RPGRIP1: variants seen among roughly 807,000 people sequenced by gnomAD.
The protein encoded by RPGRIP1 is X-linked retinitis pigmentosa GTPase regulator-interacting protein 1.
In RPGRIP1, 128 loss-of-function variants were observed where a neutral mutation model predicts 157.9. That is an observed-to-expected ratio of 0.81 (90% CI 0.70 to 0.94). The LOEUF is 0.94. RPGRIP1 is among the 40% of genes least tolerant of loss of function. The pLI is 0.00. For missense variants in RPGRIP1, 1,486 were observed against 1,545.8 expected (o/e 0.96, Z 0.65); for synonymous variants, 554 against 571.6 (o/e 0.97, Z 0.44).
chr14:21,285,149 T>C (rs1022500408), intron 1 of RPGRIP1, among the ~76,000 whole-genome samples: 5 of 151,926 alleles, frequency 3.3e-5, no homozygotes, highest in East Asian at 1.9e-4. Flanking sequence ...TTTCTGTGTA[T>C]AGTAAATGTC....
chr14:21,332,566 C>G (rs973634040), intron 20 of RPGRIP1, among the ~76,000 whole-genome samples: 2 of 152,076 alleles, frequency 1.3e-5, no homozygotes, highest in Admixed American at 6.6e-5. Flanking sequence ...GTATCCAGAC[C>G]TGAATGCGGG....
Position 21,327,757 on chromosome 14 carries a change from G to A in RPGRIP1, c.2845G>A (p.Asp949Asn). ...EAQTKGKDTK[D>N]SSKISSEEEK... ...TCAGACTAAGGGGAAGGATACCAAG[G>A]ACAGTTCAAAGATCTCATCTGAAGA... The change falls in exon 18 of 25, where the codon GAC becomes AAC. Residue 949 changes from aspartate to asparagine, a missense_variant. Coordinates refer to ENST00000400017, the MANE Select transcript of RPGRIP1 (RefSeq NM_020366.4). 1 of 1,613,252 alleles carries A rather than the reference G, an allele frequency of 6.2e-7. No individual in the cohort carries two copies. Among genetic ancestry groups the A allele is most frequent in the Non-Finnish European group, 8.5e-7 (1 of 1,179,560 alleles).
At chr14:21,325,567 T>G (rs1355050647) in intron 16 of RPGRIP1, among the ~76,000 whole-genome samples, 184 bp downstream of exon 16, 1 of 152,262 alleles carries the variant, frequency 6.6e-6, no homozygotes, top group East Asian at 1.9e-4. Flanking sequence ...AGTATGCCTT[T>G]GGAGCGAGCT....
In RPGRIP1 at chr14:21,310,600, TC is replaced by T; in HGVS notation, c.925del (p.Gln309ArgfsTer7). 6.8e-7 allele frequency: 1 copy of T among 1,460,336 alleles called. No individual in the cohort carries two copies. Among genetic ancestry groups the T allele is most frequent in the Non-Finnish European group, 9.3e-7 (1 of 1,078,068 alleles). 90.5% of individuals were successfully genotyped at this position (1,460,336 alleles called of 1,614,324 possible). A position where few individuals can be genotyped will look rare whatever the true frequency, so the allele number is the denominator to read the frequency against. The part of the protein sequence containing the change: ...TEVQEAYETL[L>X]QKNQGILSAA... ...TTCTTCCAGGCATACGAAACCTTGC[TC>T]CAGAAGGTACTTAATGAGAATTGAG... On this transcript the variant is annotated frameshift_variant, in exon 8 of 25. Coordinates refer to ENST00000400017, the MANE Select transcript of RPGRIP1 (RefSeq NM_020366.4). LOFTEE classifies it high-confidence loss of function.
At position 21,302,474 on chromosome 14, in the gene RPGRIP1, G is replaced by A. The variant is rs1358451974; in HGVS notation, c.491-14G>A. ...ACTGTTGCCCGAGTCTGCATCTTCT[G>A]TCTAAACTTTTAGGGCCAAGGGACA... is the stretch of plus-strand genomic sequence containing the variant. On this transcript the variant is annotated splice_polypyrimidine_tract_variant and intron_variant, in intron 4 of 24. Coordinates refer to ENST00000400017, the MANE Select transcript of RPGRIP1 (RefSeq NM_020366.4). 2 of 1,495,628 alleles carry A rather than the reference G, an allele frequency of 1.3e-6. No individual in the cohort carries two copies. Among genetic ancestry groups the A allele is most frequent in the South Asian group, 2.7e-5 (2 of 74,072 alleles). The allele number at this position is 1,495,628 out of a possible 1,614,324, so 92.6% of individuals were successfully genotyped here. A position where few individuals can be genotyped will look rare whatever the true frequency, so the allele number is the denominator to read the frequency against.
At chr14:21,327,865 G>C (rs1222741083) in intron 18 of RPGRIP1, 58 bp downstream of exon 18, 6 of 1,336,534 alleles carry the variant, frequency 4.5e-6, no homozygotes, top group Non-Finnish European at 5.1e-6. Context: ...GAGCAGATTT[G>C]AAGGAGACAG....
chr14:21,314,110 G>C (rs1881662894), intron 10 of RPGRIP1, among the ~76,000 whole-genome samples: 1 of 151,884 alleles, frequency 6.6e-6, no homozygotes, highest in Admixed American at 6.6e-5. Context: ...ACCATGCCTG[G>C]CTAATTTTTG....
chr14:21,350,165 C>A (rs1227449225), intron 24 of RPGRIP1, among the ~76,000 whole-genome samples: 2 of 152,082 alleles, frequency 1.3e-5, no homozygotes, highest in African/African-American at 4.8e-5. Context: ...CACCTGAGGT[C>A]AGGAGTTCGA....
chr14:21,293,480 T>C (rs1880621658), intron 2 of RPGRIP1, among the ~76,000 whole-genome samples: 1 of 151,928 alleles, frequency 6.6e-6, no homozygotes, highest in East Asian at 1.9e-4. Context: ...TGGTGGCTCA[T>C]GCCTGTAATC....
intron 20 of RPGRIP1, among the ~76,000 whole-genome samples, chr14:21,333,177 G>A (rs546815011): frequency 1.3e-5 from 2 of 152,310 alleles, no homozygotes; most frequent in Non-Finnish European, 2.9e-5. Context: ...GGTTTCAGAT[G>A]TCTGAGTGGA....
chr14:21,327,907 G>A (rs879095763), intron 18 of RPGRIP1, 100 bp downstream of exon 18: 18 of 927,766 alleles, frequency 1.9e-5, no homozygotes, highest in Admixed American at 6.5e-5. Context: ...AGTGGCTCAC[G>A]CCTGTAATCC....
intron 21 of RPGRIP1, among the ~76,000 whole-genome samples, chr14:21,340,315 C>T (rs1214507862): frequency 2.0e-5 from 3 of 152,136 alleles, no homozygotes; most frequent in Non-Finnish European, 4.4e-5. Flanking sequence ...ATACTGTGTG[C>T]CAGACATTAT....
chr14:21,320,412 T>TGGCCTCCTGTTCTCCTGCCTC (rs1360638671), intron 12 of RPGRIP1, among the ~76,000 whole-genome samples: 10 of 150,302 alleles, frequency 6.7e-5, no homozygotes, highest in African/African-American at 2.5e-4. Flanking sequence ...TGCCTCAGCC[T>TGGCCTCCTGTTCTCCTGCCTC]TCCGAGTAGC....
chr14:21,317,460 G>A, intron 10 of RPGRIP1: 2 of 968,528 alleles, frequency 2.1e-6, no homozygotes, highest in Non-Finnish European at 3.0e-6. Flanking sequence ...GACTTGGGGT[G>A]TTTGCTCAGT....
At position 21,325,846 on chromosome 14, in the gene RPGRIP1, T is replaced by G. The variant is rs756795357; in HGVS notation, c.2383T>G (p.Trp795Gly). ...ATCTTTCCAGTTCAGATCGGAGTCT[T>G]GGGAACCTCAGAACGAGCTGTGGAT... ...AQEEEFRSESWEPQNELWIEI... is the reference protein window; with the variant it reads ...AQEEEFRSESGEPQNELWIEI... The change falls in exon 17 of 25, where the codon TGG becomes GGG. Residue 795 changes from tryptophan (W) to glycine (G), a missense_variant. Trp to Gly is a radical substitution (Grantham distance 184, BLOSUM62 -2). Transcript: ENST00000400017. 1 of 1,612,974 alleles carries G rather than the reference T, an allele frequency of 6.2e-7. No homozygotes were observed. The highest frequency in any genetic ancestry group is 1.1e-5 in the South Asian group (1 of 91,016).
chr14:21,312,769 A>G (rs1272613904), intron 10 of RPGRIP1, among the ~76,000 whole-genome samples: 1 of 151,258 alleles, frequency 6.6e-6, no homozygotes, highest in African/African-American at 2.4e-5. Flanking sequence ...GCTCACTGCA[A>G]CCTCTACCTC....
At chr14:21,305,189 A>G (rs968987762) in intron 6 of RPGRIP1, among the ~76,000 whole-genome samples, 1 of 152,166 alleles carries the variant, frequency 6.6e-6, no homozygotes, top group African/African-American at 2.4e-5. Context: ...TACTCCCCCA[A>G]AAGTCCTCTG....
chr14:21,346,641 G>A lies in RPGRIP1; in HGVS notation c.3617+1444G>A, dbSNP rs947488515. 3.3e-5 allele frequency among the ~76,000 whole-genome samples: 5 copies of A among 152,120 alleles called. No homozygotes were observed. In the East Asian group the frequency reaches 5.8e-4, roughly 18 times the overall value. ...GTTTTTGAAATCTGTTATCCATACC[G>A]CCTGTGCATGTGTGTGCATAAGAAA... On this transcript the variant is annotated intron_variant, in intron 23 of 24. Coordinates refer to ENST00000400017, the MANE Select transcript of RPGRIP1 (RefSeq NM_020366.4).
rs58061260 is a variant in RPGRIP1 at position 21,339,217 on chromosome 14, G to A, written c.3340-3819G>A. Among the ~76,000 whole-genome samples the A allele has an allele frequency of 3.4e-3, 517 of 152,188 alleles. 1 individual carries two copies. The highest frequency in any genetic ancestry group is 0.012 in the African/African-American group (495 of 41,526). ...AATTCTAGCACTTTGGGAGGCCGAG[G>A]TGGGCTGATCATGAGGTCAGGAGAT... On this transcript the variant is annotated intron_variant, in intron 21 of 24. Transcript: ENST00000400017.
Sources: gnomAD v4.1 joint callset for allele counts (sites outside exome capture counted in the v4.1 genomes callset) on GRCh38, gnomAD v4.1.1 for gene constraint, MANE v1.5 for transcripts, NCBI Gene and HGNC (gene_info 2026-07-23, HGNC 2026-07-21) for gene names.